SLC19A1: variants seen among roughly 807,000 people sequenced by gnomAD.
SLC19A1 encodes reduced folate transporter.
A neutral mutation model predicts 35.3 loss-of-function variants in SLC19A1; 37 were observed. That is an observed-to-expected ratio of 1.05 (90% CI 0.81 to 1.38). The LOEUF is 1.38. Ranked by LOEUF, SLC19A1 falls within the 40% of genes most tolerant of loss-of-function variation. The pLI is 0.00. For missense variants in SLC19A1, 831 were observed against 826.9 expected (o/e 1.00, Z -0.06); for synonymous variants, 460 against 398.5 (o/e 1.15, Z -1.84).
chr21:45,560,453 G>A (rs1299243128), intron 1 of SLC19A1, among the ~76,000 whole-genome samples: 10 of 149,762 alleles, frequency 6.7e-5, no homozygotes, highest in Non-Finnish European at 1.0e-4. Context: ...GGTGCCCACG[G>A]TGGCGCCCAC....
intron 3 of SLC19A1, chr21:45,505,902 T>C (rs772853461): frequency 1.1e-5 from 17 of 1,612,844 alleles, no homozygotes; most frequent in Non-Finnish European, 1.4e-5. Context: ...GAGGGCTGGC[T>C]CATCTTCGTG....
upstream of SLC19A1, among the ~76,000 whole-genome samples, chr21:45,542,687 C>T (rs982237228): frequency 2.0e-5 from 3 of 151,504 alleles, no homozygotes; most frequent in Non-Finnish European, 4.4e-5. Context: ...CCCCGACCGC[C>T]CCTCGGGCCC....
intron 1 of SLC19A1, among the ~76,000 whole-genome samples, chr21:45,541,615 G>C (rs1356514873): frequency 6.6e-6 from 1 of 152,240 alleles, no homozygotes; most frequent in Non-Finnish European, 1.5e-5. Context: ...CTCGGGAAAG[G>C]CTCCAGCGGC....
Position 45,516,381 on chromosome 21 carries a change from G to A in SLC19A1, c.1294-241C>T, listed in dbSNP as rs3746985. On this transcript the variant is annotated intron_variant, in intron 5 of 5. Transcript: ENST00000311124. ...TCCCACCATTTCCCAAGAACCCCTCGGAACCTGGCAGGTGGCCTGCTTCTG... is the reference window on the plus strand; with the variant it reads ...TCCCACCATTTCCCAAGAACCCCTCAGAACCTGGCAGGTGGCCTGCTTCTG... 6.6e-4 allele frequency among the ~76,000 whole-genome samples: 101 copies of A among 152,314 alleles called. No individual in the cohort carries two copies. In the East Asian group the frequency reaches 0.016, roughly 25 times the overall value.
At position 45,517,626 on chromosome 21, in the gene SLC19A1, C is replaced by A. The variant is rs1447956618; in HGVS notation, c.1294-1486G>T. ...CCATATGGGGAGCCTGGCCTCTTATCCTCACCCAGTAGTAAGAGCGTGCCT... is the reference window on the plus strand; with the variant it reads ...CCATATGGGGAGCCTGGCCTCTTATACTCACCCAGTAGTAAGAGCGTGCCT... On this transcript the variant is annotated intron_variant, in intron 5 of 5. Transcript: ENST00000311124. The surrounding 1 kb of genome is among the most constrained non-coding windows in gnomAD (Gnocchi z 4.4). Among the ~76,000 whole-genome samples the A allele has an allele frequency of 4.2e-5, 6 of 144,420 alleles. No homozygotes were observed. Among genetic ancestry groups the A allele is most frequent in the Non-Finnish European group, 9.0e-5 (6 of 66,946 alleles). 94.7% of individuals were successfully genotyped at this position (144,420 alleles called of 152,430 possible).
downstream of SLC19A1, chr21:45,511,181 G>C (rs757116735): frequency 3.7e-6 from 6 of 1,600,020 alleles, no homozygotes; most frequent in African/African-American, 2.7e-5. Context: ...CCCGGGGCAC[G>C]CATCTTCTCC....
intron 1 of SLC19A1, among the ~76,000 whole-genome samples, chr21:45,549,578 G>C (rs1157313670): frequency 1.4e-5 from 2 of 145,256 alleles, no homozygotes; most frequent in East Asian, 4.0e-4. Flanking sequence ...TGGTTACAAG[G>C]GAGAACCCAG....
At chr21:45,558,376 C>T (rs2078583862) in intron 1 of SLC19A1, among the ~76,000 whole-genome samples, 1 of 152,226 alleles carries the variant, frequency 6.6e-6, no homozygotes, top group Non-Finnish European at 1.5e-5. Flanking sequence ...CCCCAGTGGG[C>T]CCTTCAATCT....
downstream of SLC19A1, among the ~76,000 whole-genome samples, chr21:45,507,965 GTGGGTGAC>G (rs1263901840): frequency 6.6e-6 from 1 of 152,220 alleles, no homozygotes; most frequent in Admixed American, 6.5e-5. Flanking sequence ...TCTAAGAGTG[GTGGGTGAC>G]TGGGTGGGTG....
At chr21:45,506,098 C>T in intron 3 of SLC19A1, 1 of 1,408,860 alleles carries the variant, frequency 7.1e-7, no homozygotes, top group Non-Finnish European at 9.9e-7. Context: ...CTTAAACTTT[C>T]AAACTTTTGG....
chr21:45,522,234 G>C (rs2077458532), intron 5 of SLC19A1, among the ~76,000 whole-genome samples: 1 of 151,970 alleles, frequency 6.6e-6, no homozygotes, highest in African/African-American at 2.4e-5. Context: ...TATCCACCAG[G>C]GAAATGCAAA....
At chr21:45,503,874 C>T (rs2037019341) in intron 3 of SLC19A1, 3 of 763,502 alleles carry the variant, frequency 3.9e-6, no homozygotes, top group Non-Finnish European at 6.9e-6. Context: ...CTAGGAAGAA[C>T]CTAATTAAAT....
At chr21:45,554,948 C>T (rs2078528373) in intron 1 of SLC19A1, among the ~76,000 whole-genome samples, 1 of 151,630 alleles carries the variant, frequency 6.6e-6, no homozygotes, top group South Asian at 2.1e-4. Context: ...GACATCGGTA[C>T]TTTCGGTCCA....
chr21:45,516,208 A>C, intron 5 of SLC19A1, 68 bp from the exon 6 acceptor site: 1 of 1,269,236 alleles, frequency 7.9e-7, no homozygotes, highest in Non-Finnish European at 1.1e-6. Context: ...CTACACCCCG[A>C]CGCCTGCTCC....
intron 3 of SLC19A1, chr21:45,502,545 T>TA (rs1178173462): frequency 6.6e-6 from 1 of 152,148 alleles, no homozygotes; most frequent in East Asian, 1.9e-4. Flanking sequence ...GTTTTATATA[T>TA]AAAAATAGCA....
At chr21:45,551,789 A>C (rs2146491304) in intron 1 of SLC19A1, among the ~76,000 whole-genome samples, 1 of 152,262 alleles carries the variant, frequency 6.6e-6, no homozygotes, top group East Asian at 1.9e-4. Flanking sequence ...CTAAATTGCA[A>C]ATAGTGGGAT....
At position 45,516,572 on chromosome 21, in the gene SLC19A1, C is replaced by T. The variant is rs530467807; in HGVS notation, c.1294-432G>A. Among the ~76,000 whole-genome samples, 30 of 152,342 alleles carry T rather than the reference C, an allele frequency of 2.0e-4. No individual in the cohort carries two copies. The South Asian group carries it at 4.3e-3, about 22-fold the overall frequency. On this transcript the variant is annotated intron_variant, in intron 5 of 5. Coordinates refer to ENST00000311124, the MANE Select transcript of SLC19A1 (RefSeq NM_194255.4). ...GACCAGGAGCTGATCCCCAGGGCTT[C>T]GCGCCCAGAGCAACCCCCAGCAGCC... is the stretch of plus-strand genomic sequence containing the variant.
At chr21:45,526,247 T>C (rs1057323831) in intron 4 of SLC19A1, among the ~76,000 whole-genome samples, 1 of 152,202 alleles carries the variant, frequency 6.6e-6, no homozygotes, top group Admixed American at 6.5e-5. Flanking sequence ...GGGCCAGTAG[T>C]TTTGGATTTG....
rs1164139386 is a variant in SLC19A1, at chr21:45,513,717, C to T, written c.*1941G>A. The T allele has an allele frequency of 6.6e-6, 1 of 152,278 alleles. No homozygotes were observed. The highest frequency in any genetic ancestry group is 2.4e-5 in the African/African-American group (1 of 41,472). 9.4% of individuals were successfully genotyped at this position (152,278 alleles called of 1,614,324 possible). A position where few individuals can be genotyped will look rare whatever the true frequency, so the allele number is the denominator to read the frequency against. The stretch of plus-strand genomic sequence containing the variant: ...AGGCAAATAAAAGTGACCTTTTACA[C>T]TGACTCTTGGTTTGCAAGCAGCCTT... On this transcript the variant is annotated 3_prime_UTR_variant, in exon 6 of 6. Transcript: ENST00000311124.
Sources: allele counts gnomAD v4.1 joint callset (sites outside exome capture counted in the v4.1 genomes callset), GRCh38; gene constraint gnomAD v4.1.1; non-coding constraint Gnocchi (gnomAD v3.1); transcripts MANE v1.5; gene names NCBI Gene and HGNC (gene_info 2026-07-23, HGNC 2026-07-21).